KPNA3: variants seen among roughly 807,000 people sequenced by gnomAD.
KPNA3 encodes importin subunit alpha-4.
A neutral mutation model predicts 73.8 loss-of-function variants in KPNA3; 13 were observed. That is an observed-to-expected ratio of 0.18 (90% CI 0.11 to 0.28). The LOEUF is 0.28. Among genes scored for constraint, KPNA3 ranks in the 10% least tolerant of loss-of-function variants. The pLI is 1.00. For synonymous variants in KPNA3, 186 were observed against 206.9 expected, an observed-to-expected ratio of 0.90 and a Z score of 0.87; for missense variants, 360 against 618.1, an observed-to-expected ratio of 0.58 and a Z score of 4.43.
At chr13:49,746,175 A>T (rs1954615430) in intron 2 of KPNA3, among the ~76,000 whole-genome samples, 1 of 151,976 alleles carries the variant, frequency 6.6e-6, no homozygotes, top group Admixed American at 6.6e-5. Flanking sequence ...ATGAAAACAC[A>T]ATTTGGGCCA....
intron 10 of KPNA3, among the ~76,000 whole-genome samples, chr13:49,715,935 A>T (rs1417723043): frequency 6.6e-6 from 1 of 152,262 alleles, no homozygotes; most frequent in Non-Finnish European, 1.5e-5. Context: ...CACAAAACAG[A>T]ATCCTGTGCA....
intron 1 of KPNA3, among the ~76,000 whole-genome samples, chr13:49,765,457 T>C (rs547068574): frequency 6.6e-6 from 1 of 152,320 alleles, no homozygotes; most frequent in South Asian, 2.1e-4. Context: ...TACAATTCAA[T>C]GGTTTTTAGT....
At chr13:49,784,293 A>AG (rs756653639) in intron 1 of KPNA3, among the ~76,000 whole-genome samples, 3 of 152,198 alleles carry the variant, frequency 2.0e-5, no homozygotes, top group Non-Finnish European at 4.4e-5. Context: ...TGGTAAAAAA[A>AG]CAAATAAGAG....
chr13:49,791,494 G>C (rs993397706), intron 1 of KPNA3, among the ~76,000 whole-genome samples: 2 of 152,052 alleles, frequency 1.3e-5, no homozygotes, highest in African/African-American at 4.8e-5. Context: ...GCAACATGCT[G>C]AGTAGCAACT....
intron 10 of KPNA3, among the ~76,000 whole-genome samples, chr13:49,712,237 T>C (rs1954266376): frequency 6.6e-6 from 1 of 151,984 alleles, no homozygotes; most frequent in South Asian, 2.1e-4. Context: ...CATACCAAGA[T>C]CCAGGAAATT....
intron 7 of KPNA3, 135 bp downstream of exon 7, chr13:49,725,281 A>G (rs1346540628): frequency 8.7e-6 from 4 of 458,264 alleles, no homozygotes; most frequent in Non-Finnish European, 1.5e-5. Flanking sequence ...TATGAAAAAG[A>G]TATCGGTCAT....
At chr13:49,761,692 G>A (rs1219571898) in intron 1 of KPNA3, among the ~76,000 whole-genome samples, 7 of 146,858 alleles carry the variant, frequency 4.8e-5, no homozygotes, top group Admixed American at 6.8e-5. Flanking sequence ...GTCTCTGCCT[G>A]GCCGCCCATC....
intron 15 of KPNA3, 70 bp downstream of exon 15, chr13:49,705,551 T>C (rs1566331384): frequency 6.8e-7 from 1 of 1,474,188 alleles, no homozygotes; most frequent in African/African-American, 1.4e-5. Context: ...GTCTAGTAAG[T>C]TGACTTTAAA....
intron 1 of KPNA3, among the ~76,000 whole-genome samples, chr13:49,765,581 C>T (rs1954801931): frequency 6.6e-6 from 1 of 152,164 alleles, no homozygotes; most frequent in Admixed American, 6.5e-5. Context: ...AAGTGATCCT[C>T]CCATCTATGC....
In KPNA3 at chr13:49,699,752, T is replaced by C. The variant is rs992590698; in HGVS notation, c.*2048A>G. ...AAGGAAAGTCCAGAAGAAACTAAAC[T>C]GGAAGGGGTACGGTTCACAATATCA... On this transcript the variant is annotated 3_prime_UTR_variant, in exon 17 of 17. Transcript: ENST00000261667. 4 of 152,648 alleles carry C rather than the reference T, an allele frequency of 2.6e-5. No individual in the cohort carries two copies. The highest frequency in any genetic ancestry group is 2.6e-4 in the Admixed American group (4 of 15,278). The allele number at this position is 152,648 out of a possible 1,614,324, so 9.5% of individuals were successfully genotyped here. A position where few individuals can be genotyped will look rare whatever the true frequency, so the allele number is the denominator to read the frequency against.
At chr13:49,762,893 TA>T (rs1954779721) in intron 1 of KPNA3, among the ~76,000 whole-genome samples, 1 of 81,784 alleles carries the variant, frequency 1.2e-5, no homozygotes, top group South Asian at 3.9e-4. Flanking sequence ...AAAAAATAAA[TA>T]AATAAAGTTT....
intron 10 of KPNA3, among the ~76,000 whole-genome samples, chr13:49,716,972 A>T (rs1694751222): frequency 6.6e-6 from 1 of 152,186 alleles, no homozygotes; most frequent in Non-Finnish European, 1.5e-5. Flanking sequence ...ACAAGTTCCA[A>T]GTTCTACTCA....
rs775087623 is a variant in KPNA3, at chr13:49,776,731, G to A, written c.69+15707C>T. On this transcript the variant is annotated intron_variant, in intron 1 of 16. Coordinates refer to ENST00000261667, the MANE Select transcript of KPNA3 (RefSeq NM_002267.4). ...TTGAAAAATGCTTCTATCCATTTCT[G>A]ATGTTTTTCTGACCCTTGTTTAAAA... 1.2e-4 allele frequency among the ~76,000 whole-genome samples: 19 copies of A among 152,056 alleles called. 1 individual carries two copies. The highest frequency in any genetic ancestry group is 4.4e-5 in the Non-Finnish European group (3 of 68,016).
intron 16 of KPNA3, 74 bp downstream of exon 16, chr13:49,702,312 A>C: frequency 2.6e-6 from 2 of 782,598 alleles, no homozygotes; most frequent in Non-Finnish European, 4.2e-6. Flanking sequence ...ATAAAAGGAA[A>C]ACTCTTAGTA....
intron 1 of KPNA3, among the ~76,000 whole-genome samples, chr13:49,759,174 AAATT>A (rs1954737387): frequency 6.6e-6 from 1 of 152,220 alleles, no homozygotes; most frequent in South Asian, 2.1e-4. Flanking sequence ...CCAAACAACT[AAATT>A]GTCATCACTG....
Position 49,719,706 on chromosome 13 carries a change from CA to C in KPNA3, c.771+68del, listed in dbSNP as rs1954337498. On this transcript the variant is annotated intron_variant, in intron 10 of 16. Coordinates refer to ENST00000261667, the MANE Select transcript of KPNA3 (RefSeq NM_002267.4). ...GACAAGTTGATAAAATGTATGCTGACACTTACATAAAAACCCTTTCTGTCCC... is the reference window on the plus strand; with the variant it reads ...GACAAGTTGATAAAATGTATGCTGACCTTACATAAAAACCCTTTCTGTCCC... 1.1e-5 allele frequency: 11 copies of C among 989,236 alleles called. 1 individual carries two copies. In the Middle Eastern group the frequency reaches 6.2e-4, roughly 55 times the overall value. 61.3% of individuals were successfully genotyped at this position (989,236 alleles called of 1,614,324 possible).
chr13:49,730,519 C>CAAAAAAAAAAAA lies in KPNA3; in HGVS notation c.383+1840_383+1851dup. ...TGGGCAACAGAGCGAGACTCTGTCT[C>CAAAAAAAAAAAA]AAAAAAAAAAAAAAAAAAAAAAAAA... On this transcript the variant is annotated intron_variant, in intron 6 of 16. Coordinates refer to ENST00000261667, the MANE Select transcript of KPNA3 (RefSeq NM_002267.4). Among the ~76,000 whole-genome samples the CAAAAAAAAAAAA allele has an allele frequency of 2.5e-3, 69 of 27,294 alleles. 10 individuals carry two copies. The highest frequency in any genetic ancestry group is 3.4e-3 in the Non-Finnish European group (53 of 15,770). 17.9% of individuals were successfully genotyped at this position (27,294 alleles called of 152,430 possible).
At chr13:49,724,543 G>A (rs1006788029) in intron 7 of KPNA3, among the ~76,000 whole-genome samples, 1 of 152,072 alleles carries the variant, frequency 6.6e-6, no homozygotes, top group African/African-American at 2.4e-5. Context: ...TCCTGACCTC[G>A]TGATCCACCC....
At chr13:49,742,024 A>G (rs1416239873) in intron 2 of KPNA3, among the ~76,000 whole-genome samples, 2 of 152,070 alleles carry the variant, frequency 1.3e-5, no homozygotes, top group Non-Finnish European at 2.9e-5. Context: ...TTACAGTTTC[A>G]CATCTTATGT....
Sources: allele counts gnomAD v4.1 joint callset (sites outside exome capture counted in the v4.1 genomes callset), GRCh38; gene constraint gnomAD v4.1.1; transcripts MANE v1.5; gene names NCBI Gene and HGNC (gene_info 2026-07-23, HGNC 2026-07-21).